The following NPAS3 variants were observed in gnomAD, a reference collection of about 807,000 sequenced individuals.
NPAS3 encodes the protein neuronal PAS domain protein 3, also known as neuronal PAS domain-containing protein 3.
In NPAS3, 14 loss-of-function variants were observed where a neutral mutation model predicts 73.1. That is an observed-to-expected ratio of 0.19 (90% CI 0.13 to 0.30). The LOEUF (loss-of-function observed/expected upper bound fraction) is 0.30, where lower values mean the gene tolerates loss of function less well. Ranked by LOEUF, NPAS3 falls within the 10% of genes least tolerant of loss-of-function variation. The pLI is 1.00. For synonymous variants in NPAS3, 620 were observed against 541.5 expected (o/e 1.14, Z -2.01); for missense variants, 1,096 against 1,250.0 (o/e 0.88, Z 1.86).
chr14:33,308,510 T>TTATATATATATATATATATATATA (rs67518761), intron 3 of NPAS3, among the ~76,000 whole-genome samples: 9 of 83,508 alleles, frequency 1.1e-4, no homozygotes, highest in African/African-American at 3.7e-4. Context: ...ATTGCATAGT[T>TTATATATATATATATATATATATA]TATATATATA....
chr14:33,031,923 T>C (rs551505275), intron 1 of NPAS3, among the ~76,000 whole-genome samples: 11 of 152,304 alleles, frequency 7.2e-5, no homozygotes, highest in African/African-American at 2.6e-4. Flanking sequence ...AGACATATAA[T>C]TTGCTGCATA....
At chr14:33,044,828 G>A (rs2040451776) in intron 1 of NPAS3, among the ~76,000 whole-genome samples, 1 of 152,110 alleles carries the variant, frequency 6.6e-6, no homozygotes, top group East Asian at 1.9e-4. Context: ...AAGCTAACAG[G>A]TTGTAGCAAA....
intron 9 of NPAS3, among the ~76,000 whole-genome samples, chr14:33,778,781 G>A (rs2062895768): frequency 6.6e-6 from 1 of 152,206 alleles, no homozygotes; most frequent in Non-Finnish European, 1.5e-5. Context: ...AGAAATTGCT[G>A]GATCTTTAGG....
At chr14:33,712,591 T>C (rs759015047) in intron 6 of NPAS3, among the ~76,000 whole-genome samples, 9 of 152,320 alleles carry the variant, frequency 5.9e-5, no homozygotes, top group Non-Finnish European at 1.0e-4. Context: ...GTTTTTTAAA[T>C]CACCACTGCC....
At chr14:33,396,599 T>C (rs964595522) in intron 4 of NPAS3, among the ~76,000 whole-genome samples, 7 of 152,170 alleles carry the variant, frequency 4.6e-5, no homozygotes, top group African/African-American at 1.4e-4. Context: ...CCTGCATGGT[T>C]CTCTATGATA....
intron 4 of NPAS3, among the ~76,000 whole-genome samples, chr14:33,383,963 A>G (rs1295203481): frequency 6.6e-6 from 1 of 152,192 alleles, no homozygotes; most frequent in Non-Finnish European, 1.5e-5. Flanking sequence ...GCTGTTCTCT[A>G]GAGTATAAAA....
At chr14:33,761,963 G>A (rs1033189089) in intron 7 of NPAS3, among the ~76,000 whole-genome samples, 4 of 152,126 alleles carry the variant, frequency 2.6e-5, no homozygotes, top group Non-Finnish European at 5.9e-5. Context: ...TACTGCAGAA[G>A]GTCTGCTCCA....
At chr14:32,986,496 T>G (rs2038106440) in intron 1 of NPAS3, among the ~76,000 whole-genome samples, 1 of 152,146 alleles carries the variant, frequency 6.6e-6, no homozygotes, top group Non-Finnish European at 1.5e-5. Flanking sequence ...TGCATGGGTT[T>G]TTGTGTGTTG....
chr14:33,055,828 A>G (rs2040867696), intron 1 of NPAS3, 77 bp from the exon 2 acceptor site: 3 of 733,032 alleles, frequency 4.1e-6, no homozygotes, highest in Admixed American at 2.1e-5. Flanking sequence ...TTGAATTTCA[A>G]CATACTTGTT....
At chr14:33,718,766 C>T (rs1251383385) in intron 6 of NPAS3, among the ~76,000 whole-genome samples, 3 of 152,146 alleles carry the variant, frequency 2.0e-5, no homozygotes. Flanking sequence ...AGGCAAGTCA[C>T]ATAATATTAC....
intron 3 of NPAS3, among the ~76,000 whole-genome samples, chr14:33,347,883 T>C (rs926208974): frequency 2.6e-5 from 4 of 152,230 alleles, no homozygotes; most frequent in South Asian, 4.1e-4. Context: ...TTTTTTTTTT[T>C]CAAATATTTT....
chr14:33,395,203 TATC>T (rs1414733311), intron 4 of NPAS3, among the ~76,000 whole-genome samples: 2 of 152,146 alleles, frequency 1.3e-5, no homozygotes, highest in Non-Finnish European at 2.9e-5. Context: ...GAAGAGTTAT[TATC>T]ATTGTTTTGC....
In NPAS3 at chr14:33,693,352, A is replaced by T. The variant is rs79772535; in HGVS notation, c.733+16967A>T. Among the ~76,000 whole-genome samples the T allele has an allele frequency of 9.6e-3, 1,462 of 152,334 alleles. 23 individuals carry two copies. The highest frequency in any genetic ancestry group is 0.033 in the African/African-American group (1,392 of 41,588). ...CCCAAAGTCAGAAAGCTACAGTTGC[A>T]TGCCTACCTAGACGACTGTTTTCCT... On this transcript the variant is annotated intron_variant, in intron 6 of 11. Transcript: ENST00000356141.
At chr14:33,198,251 C>T (rs746093626) in intron 2 of NPAS3, among the ~76,000 whole-genome samples, 1 of 152,028 alleles carries the variant, frequency 6.6e-6, no homozygotes, top group Non-Finnish European at 1.5e-5. Flanking sequence ...GGAAGGGGAC[C>T]CAAGCAGTTT....
At position 33,077,774 on chromosome 14, in the gene NPAS3, G is replaced by GTTTTTTT. The variant is rs3057435; in HGVS notation, c.140+21789_140+21795dup. On this transcript the variant is annotated intron_variant, in intron 2 of 11. Transcript: ENST00000356141. ...CTTTGCTCAAAACATTGCAGTAAGG[G>GTTTTTTT]TTTTTTTTTTTTTTTGCCCCTTTTG... 5.1e-4 allele frequency among the ~76,000 whole-genome samples: 45 copies of GTTTTTTT among 87,476 alleles called. 2 individuals carry two copies. Among genetic ancestry groups the GTTTTTTT allele is most frequent in the Admixed American group, 1.7e-3 (12 of 6,890 alleles). 57.4% of individuals were successfully genotyped at this position (87,476 alleles called of 152,430 possible). A position where few individuals can be genotyped will look rare whatever the true frequency, so the allele number is the denominator to read the frequency against.
At chr14:33,409,507 C>T (rs1417568534) in intron 4 of NPAS3, among the ~76,000 whole-genome samples, 1 of 152,092 alleles carries the variant, frequency 6.6e-6, no homozygotes, top group African/African-American at 2.4e-5. Context: ...AATTGCCTAT[C>T]TCTATAAACT....
chr14:33,631,949 T>C (rs947829110), intron 5 of NPAS3, among the ~76,000 whole-genome samples: 1 of 152,206 alleles, frequency 6.6e-6, no homozygotes, highest in Non-Finnish European at 1.5e-5. Context: ...AAGGTCTCTT[T>C]GGGGCACTGA....
At chr14:33,002,848 GCT>G (rs1395897355) in intron 1 of NPAS3, among the ~76,000 whole-genome samples, 1 of 152,196 alleles carries the variant, frequency 6.6e-6, no homozygotes, top group Non-Finnish European at 1.5e-5. Flanking sequence ...GTTTGTAAGA[GCT>G]CTGATTGCAG....
At chr14:33,587,255 T>C (rs1029570614) in intron 5 of NPAS3, among the ~76,000 whole-genome samples, 3 of 152,230 alleles carry the variant, frequency 2.0e-5, no homozygotes, top group Non-Finnish European at 2.9e-5. Flanking sequence ...TAGTTTTATG[T>C]CAGTCATTGT....
Sources: gnomAD v4.1 joint callset for allele counts (sites outside exome capture counted in the v4.1 genomes callset) on GRCh38, gnomAD v4.1.1 for gene constraint, MANE v1.5 for transcripts, NCBI Gene and HGNC (gene_info 2026-07-23, HGNC 2026-07-21) for gene names.